The following ADCY1 variants were observed in gnomAD, a reference collection of about 807,000 sequenced individuals.
ADCY1 encodes the protein adenylate cyclase 1.
A neutral mutation model predicts 105.4 loss-of-function variants in ADCY1; 28 were observed. That is an observed-to-expected ratio of 0.27 (90% confidence interval 0.20 to 0.36). The LOEUF (loss-of-function observed/expected upper bound fraction) is 0.36, where lower values mean the gene tolerates loss of function less well. ADCY1 is among the 10% of genes least tolerant of loss of function. ADCY1 has a pLI of 1.00. For synonymous variants in ADCY1, 655 were observed against 623.8 expected (o/e 1.05, Z -0.75); for missense variants, 977 against 1,434.2 (o/e 0.68, Z 5.15).
chr7:45,691,206 C>T (rs186989272), intron 14 of ADCY1, among the ~76,000 whole-genome samples: 1 of 152,314 alleles, frequency 6.6e-6, no homozygotes, highest in East Asian at 1.9e-4. Flanking sequence ...AATGAGCATA[C>T]CAGTAATTTT....
chr7:45,584,499 C>T (rs545921957), intron 1 of ADCY1, among the ~76,000 whole-genome samples: 1 of 152,338 alleles, frequency 6.6e-6, no homozygotes, highest in South Asian at 2.1e-4. Flanking sequence ...CCCCGCTGCC[C>T]CCTGCTGTAT....
chr7:45,700,547 A>G (rs1467406820), intron 14 of ADCY1, among the ~76,000 whole-genome samples: 1 of 152,186 alleles, frequency 6.6e-6, no homozygotes, highest in Non-Finnish European at 1.5e-5. Context: ...GGGTGTGTGC[A>G]CCTCAGGACA....
At chr7:45,614,294 A>T (rs1258576221) in intron 3 of ADCY1, among the ~76,000 whole-genome samples, 1 of 152,216 alleles carries the variant, frequency 6.6e-6, no homozygotes, top group Non-Finnish European at 1.5e-5. Context: ...GAGTTTCTGT[A>T]TGTAATTGAA....
intron 4 of ADCY1, among the ~76,000 whole-genome samples, chr7:45,645,166 A>G (rs1232457367): frequency 6.6e-6 from 1 of 152,078 alleles, no homozygotes; most frequent in East Asian, 1.9e-4. Context: ...GTGCATGTGG[A>G]TAGCCTGTGC....
chr7:45,577,875 C>T (rs1047907354), intron 1 of ADCY1, among the ~76,000 whole-genome samples: 4 of 152,238 alleles, frequency 2.6e-5, no homozygotes, highest in Non-Finnish European at 5.9e-5. Flanking sequence ...ACCCAAATGC[C>T]TTCTTATCAA....
Position 45,658,879 on chromosome 7 carries a change from G to A in ADCY1, c.1307+994G>A, listed in dbSNP as rs561793743. ...CAGCAAGGGTTGAGGCTTGCCGTGA[G>A]CGCCCTGCCTGCCCCAGGCCAATGG... On this transcript the variant is annotated intron_variant, in intron 6 of 19. Transcript: ENST00000297323. Among the ~76,000 whole-genome samples the A allele has an allele frequency of 7.9e-5, 12 of 152,326 alleles. No homozygotes were observed. The East Asian group carries it at 2.3e-3, about 29-fold the overall frequency.
At chr7:45,673,843 A>G (rs1253690510) in intron 8 of ADCY1, among the ~76,000 whole-genome samples, 4 of 151,216 alleles carry the variant, frequency 2.6e-5, no homozygotes, top group East Asian at 1.9e-4. Flanking sequence ...TAACATGGCA[A>G]TTAGATTATT....
At chr7:45,654,123 C>T (rs1794881526) in intron 5 of ADCY1, among the ~76,000 whole-genome samples, 1 of 152,220 alleles carries the variant, frequency 6.6e-6, no homozygotes, top group Admixed American at 6.5e-5. Flanking sequence ...ATTGATTCAT[C>T]AGCTCCCAGA....
At chr7:45,711,958 AATAT>A (rs1253497369) in intron 19 of ADCY1, among the ~76,000 whole-genome samples, 3 of 101,310 alleles carry the variant, frequency 3.0e-5, no homozygotes, top group Admixed American at 1.4e-4. Context: ...TATTATATTA[AATAT>A]ATAAATACAT....
chr7:45,703,071 G>A lies in ADCY1; in HGVS notation c.2455-305G>A, dbSNP rs886444739. On this transcript the variant is annotated intron_variant, in intron 14 of 19. Coordinates refer to ENST00000297323, the MANE Select transcript of ADCY1 (RefSeq NM_021116.4). The surrounding 1 kb of genome is among the most constrained non-coding windows in gnomAD (Gnocchi z 5.9). ...ATGGGCACATGCCTGAGAAAGAGTTGCTGTAGCATCTGGTCCCTAAGGGGT... is the reference window on the plus strand; with the variant it reads ...ATGGGCACATGCCTGAGAAAGAGTTACTGTAGCATCTGGTCCCTAAGGGGT... Among the ~76,000 whole-genome samples the A allele has an allele frequency of 3.3e-5, 5 of 152,188 alleles. No individual in the cohort carries two copies. Among genetic ancestry groups the A allele is most frequent in the African/African-American group, 1.2e-4 (5 of 41,434 alleles).
At chr7:45,582,862 G>A in intron 1 of ADCY1, among the ~76,000 whole-genome samples, 1 of 152,184 alleles carries the variant, frequency 6.6e-6, no homozygotes, top group East Asian at 1.9e-4. Flanking sequence ...GCAGGGCAAG[G>A]AGAATAGGAG....
intron 2 of ADCY1, among the ~76,000 whole-genome samples, chr7:45,599,783 C>T (rs908617746): frequency 2.6e-5 from 4 of 152,052 alleles, no homozygotes; most frequent in Non-Finnish European, 4.4e-5. Flanking sequence ...TGTGCCACCA[C>T]GTCCAGCTAA....
rs1281133089 is a variant in ADCY1 at position 45,721,816 on chromosome 7, C to T, written c.*7821C>T. The T allele has an allele frequency of 2.5e-6, 1 of 398,514 alleles. No individual in the cohort carries two copies. Among genetic ancestry groups the T allele is most frequent in the Non-Finnish European group, 4.4e-6 (1 of 226,096 alleles). The allele number at this position is 398,514 out of a possible 1,614,324, so 24.7% of individuals were successfully genotyped here. A position where few individuals can be genotyped will look rare whatever the true frequency, so the allele number is the denominator to read the frequency against. On this transcript the variant is annotated 3_prime_UTR_variant, in exon 20 of 20. Transcript: ENST00000297323. ...CTGACCCTCTCCTGGGCATTGGTTC[C>T]TGCTGGTACCGGGCGGTTCAGACCT... is the stretch of plus-strand genomic sequence containing the variant.
chr7:45,622,077 A>G (rs1436843660), intron 3 of ADCY1, among the ~76,000 whole-genome samples: 7 of 152,166 alleles, frequency 4.6e-5, no homozygotes. Context: ...CTTTGATGCA[A>G]GACAGTGTGT....
chr7:45,717,139 G>C lies in ADCY1; in HGVS notation c.*3144G>C, dbSNP rs1476758834. ...CTGTGCCTGGGGTCCACAGAGCCGG[G>C]AGGTCACACATGTACATCCTGGAAG... On this transcript the variant is annotated 3_prime_UTR_variant, in exon 20 of 20. Coordinates refer to ENST00000297323, the MANE Select transcript of ADCY1 (RefSeq NM_021116.4). 6.6e-6 allele frequency: 1 copy of C among 152,212 alleles called. No individual in the cohort carries two copies. Among genetic ancestry groups the C allele is most frequent in the Non-Finnish European group, 1.5e-5 (1 of 68,070 alleles). 9.4% of individuals were successfully genotyped at this position (152,212 alleles called of 1,614,324 possible). A position where few individuals can be genotyped will look rare whatever the true frequency, so the allele number is the denominator to read the frequency against.
intron 11 of ADCY1, among the ~76,000 whole-genome samples, chr7:45,681,749 A>T (rs937708632): frequency 6.6e-6 from 1 of 152,028 alleles, no homozygotes; most frequent in Admixed American, 6.5e-5. Flanking sequence ...GTGGGAATGG[A>T]GGTGAGGGAG....
intron 14 of ADCY1, among the ~76,000 whole-genome samples, chr7:45,698,635 A>C (rs1232243680): frequency 6.6e-6 from 1 of 152,140 alleles, no homozygotes; most frequent in Non-Finnish European, 1.5e-5. Context: ...GATTAAGAAC[A>C]CCTGCACCAC....
At chr7:45,610,911 T>C (rs1346330647) in intron 3 of ADCY1, among the ~76,000 whole-genome samples, 1 of 137,734 alleles carries the variant, frequency 7.3e-6, no homozygotes, top group African/African-American at 2.8e-5. Flanking sequence ...GAGGTGATAA[T>C]GGAAGTATGG....
chr7:45,636,953 T>A (rs994473579), intron 4 of ADCY1, among the ~76,000 whole-genome samples: 3 of 152,250 alleles, frequency 2.0e-5, no homozygotes, highest in Non-Finnish European at 4.4e-5. Context: ...ATTAGTGATG[T>A]GGTTAGGTTT....
Sources: gnomAD v4.1 joint callset for allele counts (sites outside exome capture counted in the v4.1 genomes callset) on GRCh38, gnomAD v4.1.1 for gene constraint, Gnocchi (gnomAD v3.1) non-coding constraint, MANE v1.5 for transcripts, NCBI Gene and HGNC (gene_info 2026-07-23, HGNC 2026-07-21) for gene names.